Variants in MAPKAPK5 observed in about 807,000 individuals in gnomAD.
MAPKAPK5 encodes the protein MAP kinase-activated protein kinase 5.
A neutral mutation model predicts 65.1 loss-of-function variants in MAPKAPK5; 30 were observed. That is an observed-to-expected ratio of 0.46 (90% confidence interval 0.34 to 0.63). MAPKAPK5 has a LOEUF of 0.63. Among genes scored for constraint, MAPKAPK5 ranks in the 20% least tolerant of loss-of-function variants. The probability of loss-of-function intolerance (pLI) is 0.01; values close to 1 mark genes in which losing one functional copy is unlikely to be tolerated. For synonymous variants in MAPKAPK5, 179 were observed against 204.6 expected, an observed-to-expected ratio of 0.87 and a Z score of 1.07; for missense variants, 433 against 581.4, an observed-to-expected ratio of 0.74 and a Z score of 2.63.
At chr12:111,886,455 C>G (rs2070406410) in intron 10 of MAPKAPK5, among the ~76,000 whole-genome samples, 1 of 152,222 alleles carries the variant, frequency 6.6e-6, no homozygotes, top group Non-Finnish European at 1.5e-5. Context: ...AAAAAGAGCA[C>G]ATCTTTGAAG....
chr12:111,848,506 C>T (rs768416437), intron 1 of MAPKAPK5, among the ~76,000 whole-genome samples: 8 of 151,540 alleles, frequency 5.3e-5, no homozygotes, highest in African/African-American at 1.2e-4. Flanking sequence ...CACCGTCTCC[C>T]GGGTTCAAGT....
At position 111,869,917 on chromosome 12, in the gene MAPKAPK5, A is replaced by G. The variant is rs574868596; in HGVS notation, c.394-354A>G. Reference sequence around the variant, plus strand: ...GCTGTGGGAACTGCGCCTGCTGACCATTGCTCAGCTTAGGTGTTTCTTCTG... The same window carrying G: ...GCTGTGGGAACTGCGCCTGCTGACCGTTGCTCAGCTTAGGTGTTTCTTCTG... On this transcript the variant is annotated intron_variant, in intron 5 of 13. Transcript: ENST00000550735. Among the ~76,000 whole-genome samples, 27 of 152,246 alleles carry G rather than the reference A, an allele frequency of 1.8e-4. No homozygotes were observed. In the South Asian group the frequency reaches 5.6e-3, roughly 32 times the overall value.
chr12:111,847,875 C>T (rs888880704), intron 1 of MAPKAPK5, among the ~76,000 whole-genome samples: 1 of 152,132 alleles, frequency 6.6e-6, no homozygotes, highest in Non-Finnish European at 1.5e-5. Flanking sequence ...TAATAGCTTA[C>T]CAATTTTATG....
rs181274177 is a variant in MAPKAPK5, at chr12:111,854,535, G to A, written c.37-10715G>A. 5.0e-4 allele frequency among the ~76,000 whole-genome samples: 76 copies of A among 152,214 alleles called. 1 individual carries two copies. Among genetic ancestry groups the A allele is most frequent in the African/African-American group, 1.8e-3 (74 of 41,540 alleles). The stretch of plus-strand genomic sequence containing the variant: ...ATTACAGGCATGAGCCACCGTGCTC[G>A]GCCAGTAATGATTTTCAATATGAAA... On this transcript the variant is annotated intron_variant, in intron 1 of 13. Transcript: ENST00000550735.
intron 4 of MAPKAPK5, 43 bp from the exon 5 acceptor site, chr12:111,868,708 CTT>C (rs75586211): frequency 0.031 from 37,572 of 1,221,936 alleles, no homozygotes; most frequent in East Asian, 0.034. Flanking sequence ...GTTTCTTTTT[CTT>C]TTTTTTTTTT....
chr12:111,889,954 T>C, intron 12 of MAPKAPK5, 86 bp from the exon 13 acceptor site: 1 of 799,532 alleles, frequency 1.3e-6, no homozygotes, highest in Non-Finnish European at 2.1e-6. Context: ...TTTCAACCAG[T>C]TGGACATCAC....
Position 111,897,119 on chromosome 12 carries a change from A to G in MAPKAPK5, c.*4058A>G, listed in dbSNP as rs7977009. 0.21 allele frequency: 32,309 copies of G among 152,000 alleles called. 3,867 individuals are homozygous for G. The highest frequency in any genetic ancestry group is 0.33 in the African/African-American group (13,530 of 41,400). The allele number at this position is 152,000 out of a possible 1,614,324, so 9.4% of individuals were successfully genotyped here. On this transcript the variant is annotated 3_prime_UTR_variant, in exon 14 of 14. Transcript: ENST00000550735. ...TGCACTCCAGCCTGGGTGACAGAGC[A>G]AAACTCCGTCTCAGAAATAAAAAAG...
In MAPKAPK5 at chr12:111,858,657, C is replaced by A. The variant is rs193069986; in HGVS notation, c.37-6593C>A. 1.0e-3 allele frequency among the ~76,000 whole-genome samples: 153 copies of A among 149,374 alleles called. 7 individuals are homozygous for A. The highest frequency in any genetic ancestry group is 3.6e-3 in the African/African-American group (144 of 40,378). ...CTCCTGGGTTCAAGCAATTCTCCTG[C>A]CCCAGCCTCCTGAGTAGCTGGGATT... is the stretch of plus-strand genomic sequence containing the variant. On this transcript the variant is annotated intron_variant, in intron 1 of 13. Coordinates refer to ENST00000550735, the MANE Select transcript of MAPKAPK5 (RefSeq NM_003668.4).
In MAPKAPK5 at chr12:111,889,006, G is replaced by T. The variant is rs542016883; in HGVS notation, c.1216+6G>T. 1 of 1,566,242 alleles carries T rather than the reference G, an allele frequency of 6.4e-7. No homozygotes were observed. The highest frequency in any genetic ancestry group is 1.4e-5 in the African/African-American group (1 of 73,912). ...GTGTATTCTCCCCCAGGCTGGTAAA[G>T]GTCACACCATTTACTAATCCTCTGT... On this transcript the variant is annotated splice_donor_region_variant and intron_variant, in intron 12 of 13. Coordinates refer to ENST00000550735, the MANE Select transcript of MAPKAPK5 (RefSeq NM_003668.4).
chr12:111,865,263 T>C lies in MAPKAPK5; in HGVS notation c.50T>C (p.Leu17Ser). Residue 17 changes from leucine to serine, a missense_variant, in exon 2 of 14, where the codon TTA becomes TCA. Around this residue, in one of 3 missense-constraint regions of MAPKAPK5, gnomAD observed 165 missense variants for 180.0 expected, o/e 0.92. Transcript: ENST00000550735. ...TTATATTAATAGGAAACTTCCATTT[T>C]AGAAGAATACAGTATCAATTGGACT... ...MDKAIKETSI[L>S]EEYSINWTQK... The C allele has an allele frequency of 5.7e-6, 9 of 1,581,084 alleles. No homozygotes were observed. The highest frequency in any genetic ancestry group is 7.7e-6 in the Non-Finnish European group (9 of 1,161,742).
intron 7 of MAPKAPK5, among the ~76,000 whole-genome samples, chr12:111,878,197 T>G (rs2070060442): frequency 1.3e-5 from 2 of 152,082 alleles, no homozygotes; most frequent in Admixed American, 6.5e-5. Flanking sequence ...AGGCCTGTGC[T>G]TTTGGTTTCC....
At chr12:111,884,363 A>G (rs1173250520) in intron 9 of MAPKAPK5, among the ~76,000 whole-genome samples, 1 of 152,172 alleles carries the variant, frequency 6.6e-6, no homozygotes, top group Non-Finnish European at 1.5e-5. Flanking sequence ...GGAGCCCGCT[A>G]ACACGCCCAG....
At chr12:111,859,801 C>T (rs1431141276) in intron 1 of MAPKAPK5, among the ~76,000 whole-genome samples, 1 of 152,158 alleles carries the variant, frequency 6.6e-6, no homozygotes, top group African/African-American at 2.4e-5. Flanking sequence ...AGGTGCCCAC[C>T]ACCATGCCCG....
intron 1 of MAPKAPK5, among the ~76,000 whole-genome samples, chr12:111,857,241 T>C (rs2069271890): frequency 6.6e-6 from 1 of 151,894 alleles, no homozygotes; most frequent in Non-Finnish European, 1.5e-5. Context: ...AGTTTTCTTT[T>C]TTCTTTTTTT....
intron 8 of MAPKAPK5, among the ~76,000 whole-genome samples, chr12:111,881,806 T>G (rs188518519): frequency 6.6e-6 from 1 of 152,264 alleles, no homozygotes; most frequent in Admixed American, 6.5e-5. Flanking sequence ...CTTGGGGACT[T>G]GAGGCTAGAT....
chr12:111,875,737 G>A (rs1466742639), intron 7 of MAPKAPK5, among the ~76,000 whole-genome samples: 1 of 152,098 alleles, frequency 6.6e-6, no homozygotes, highest in South Asian at 2.1e-4. Flanking sequence ...TTTGCCTTTA[G>A]CAGTTTGTTA....
At chr12:111,866,092 T>G (rs915465292) in intron 2 of MAPKAPK5, 64 bp from the exon 3 acceptor site, 5 of 1,289,334 alleles carry the variant, frequency 3.9e-6, no homozygotes, top group African/African-American at 3.0e-5. Flanking sequence ...AAGAAAAAGC[T>G]TGTTAAATTA....
intron 1 of MAPKAPK5, among the ~76,000 whole-genome samples, chr12:111,847,344 C>CAA (rs58150812): frequency 0.03 from 3,143 of 103,268 alleles, 140 homozygotes; most frequent in African/African-American, 0.097. Context: ...TGAGACTCTG[C>CAA]AAAAAAAAAA....
At chr12:111,892,877 C>G (rs1054493308) in intron 13 of MAPKAPK5, 90 bp from the exon 14 acceptor site, 4 of 843,202 alleles carry the variant, frequency 4.7e-6, no homozygotes, top group Admixed American at 2.5e-5. Flanking sequence ...GAATTTGATA[C>G]TGGTAAGGTG....
Sources: gnomAD v4.1 joint callset for allele counts (sites outside exome capture counted in the v4.1 genomes callset) on GRCh38, gnomAD v4.1.1 for gene constraint, gnomAD v4.1.1 regional missense constraint, MANE v1.5 for transcripts, NCBI Gene and HGNC (gene_info 2026-07-23, HGNC 2026-07-21) for gene names.